Variants in SLC19A1 observed in about 807,000 individuals in gnomAD.
The protein encoded by SLC19A1 is solute carrier family 19 member 1, also known as reduced folate transporter.
SLC19A1 carries 37 observed loss-of-function variants against 35.3 expected under a neutral mutation model. That is an observed-to-expected ratio of 1.05 (90% CI 0.81 to 1.38). SLC19A1 has a LOEUF of 1.38. Ranked by LOEUF, SLC19A1 falls within the 40% of genes most tolerant of loss-of-function variation. SLC19A1 has a pLI of 0.00. For synonymous variants in SLC19A1, 460 were observed against 398.5 expected, an observed-to-expected ratio of 1.15 and a Z score of -1.84; for missense variants, 831 against 826.9, an observed-to-expected ratio of 1.00 and a Z score of -0.06.
chr21:45,555,236 CA>C (rs1423075675), intron 1 of SLC19A1, among the ~76,000 whole-genome samples: 42 of 6,360 alleles, frequency 6.6e-3, no homozygotes, highest in South Asian at 0.029. Flanking sequence ...GGGGGCGGCG[CA>C]GGGGGCGGCG....
intron 1 of SLC19A1, among the ~76,000 whole-genome samples, chr21:45,558,354 C>T (rs922499835): frequency 6.6e-6 from 1 of 152,232 alleles, no homozygotes; most frequent in Non-Finnish European, 1.5e-5. Flanking sequence ...GCAGCTCTGG[C>T]TGCTGAGAAA....
chr21:45,508,938 G>C (rs2037410723), downstream of SLC19A1, among the ~76,000 whole-genome samples: 1 of 152,160 alleles, frequency 6.6e-6, no homozygotes, highest in South Asian at 2.1e-4. Flanking sequence ...CCGGACTGGG[G>C]TGCAGGCCTG....
intron 4 of SLC19A1, among the ~76,000 whole-genome samples, chr21:45,529,607 G>A (rs1325259136): frequency 4.1e-5 from 1 of 24,236 alleles, no homozygotes; most frequent in Non-Finnish European, 7.3e-5. Flanking sequence ...GTGAGCGTGT[G>A]TCCATGTGTG....
chr21:45,515,651 C>T lies in SLC19A1; in HGVS notation c.*7G>A. 1 of 1,613,176 alleles carries T rather than the reference C, an allele frequency of 6.2e-7. No homozygotes were observed. The highest frequency in any genetic ancestry group is 8.5e-7 in the Non-Finnish European group (1 of 1,179,982). On this transcript the variant is annotated 3_prime_UTR_variant, in exon 6 of 6. Coordinates refer to ENST00000311124, the MANE Select transcript of SLC19A1 (RefSeq NM_194255.4). ...GCCTGCAAAGTTACCACAGGGGCGCCCGAGAGTCACTGGTTCACATTCTGA... is the reference window on the plus strand; with the variant it reads ...GCCTGCAAAGTTACCACAGGGGCGCTCGAGAGTCACTGGTTCACATTCTGA...
Position 45,534,812 on chromosome 21 carries a change from A to C in SLC19A1, c.190-2664T>G. ...GGCTGCTGGGGGAGGGGCCCTCACA[A>C]CGGTCCCAGCAGGGAGGTGGCATCT... On this transcript the variant is annotated intron_variant, in intron 2 of 5. Coordinates refer to ENST00000311124, the MANE Select transcript of SLC19A1 (RefSeq NM_194255.4). This position sits in a 1 kb window ranked among gnomAD's most constrained non-coding sequence, Gnocchi z 4.2. 33 of 555,036 alleles carry C rather than the reference A, an allele frequency of 5.9e-5. No individual in the cohort carries two copies. Among genetic ancestry groups the C allele is most frequent in the East Asian group, 1.6e-4 (5 of 31,954 alleles). The allele number at this position is 555,036 out of a possible 1,614,324, so 34.4% of individuals were successfully genotyped here.
At chr21:45,562,521 C>T (rs774190108) in intron 1 of SLC19A1, among the ~76,000 whole-genome samples, 1 of 152,188 alleles carries the variant, frequency 6.6e-6, no homozygotes, top group Non-Finnish European at 1.5e-5. Context: ...TCTCCGGCAG[C>T]GTGGTGCAGT....
At chr21:45,504,528 C>G in intron 3 of SLC19A1, 1 of 818,490 alleles carries the variant, frequency 1.2e-6, no homozygotes, top group African/African-American at 2.2e-5. Context: ...CCAGGCCCCC[C>G]AGGCCCACGT....
rs975257559 is a variant in SLC19A1 at position 45,515,120 on chromosome 21, C to G, written c.*538G>C. The G allele has an allele frequency of 8.1e-5, 124 of 1,540,368 alleles. No individual in the cohort carries two copies. Among genetic ancestry groups the G allele is most frequent in the Non-Finnish European group, 1.1e-4 (123 of 1,144,112 alleles). Reference sequence around the variant, plus strand: ...CCGCCAACCTGAGATGGCTTTTCCACAGAGACAGAGAAGCCACATGCAGTT... The same window carrying G: ...CCGCCAACCTGAGATGGCTTTTCCAGAGAGACAGAGAAGCCACATGCAGTT... On this transcript the variant is annotated 3_prime_UTR_variant, in exon 6 of 6. Transcript: ENST00000311124.
chr21:45,515,451 AGGGACAGCAT>A lies in SLC19A1; in HGVS notation c.*197_*206del. 2 of 1,475,944 alleles carry A rather than the reference AGGGACAGCAT, an allele frequency of 1.4e-6. No individual in the cohort carries two copies. Among genetic ancestry groups the A allele is most frequent in the Non-Finnish European group, 8.9e-7 (1 of 1,125,036 alleles). 91.4% of individuals were successfully genotyped at this position (1,475,944 alleles called of 1,614,324 possible). ...CAACAAAGCCCGCGGGGCACAGTGC[AGGGACAGCAT>A]GGCCAGGCAGCTGCCCTGAGTGTCG... is the stretch of plus-strand genomic sequence containing the variant. On this transcript the variant is annotated 3_prime_UTR_variant, in exon 6 of 6. Coordinates refer to ENST00000311124, the MANE Select transcript of SLC19A1 (RefSeq NM_194255.4).
chr21:45,529,095 G>A (rs749668553), intron 4 of SLC19A1, among the ~76,000 whole-genome samples: 5 of 152,260 alleles, frequency 3.3e-5, no homozygotes, highest in Non-Finnish European at 7.3e-5. Flanking sequence ...ACGAGCCAGG[G>A]ACGGCAAGAG....
intron 5 of SLC19A1, among the ~76,000 whole-genome samples, chr21:45,519,570 CAAA>C (rs57639933): frequency 8.7e-5 from 5 of 57,230 alleles, no homozygotes; most frequent in Non-Finnish European, 1.6e-4. Flanking sequence ...AACTTCTGAG[CAAA>C]AAAAAAAAAA....
At chr21:45,547,195 C>T (rs1201037194), upstream of SLC19A1, among the ~76,000 whole-genome samples, 3 of 152,048 alleles carry the variant, frequency 2.0e-5, no homozygotes, top group Non-Finnish European at 2.9e-5. Flanking sequence ...TTCTCTATAC[C>T]GAAAGCTGCA....
chr21:45,508,440 T>C (rs1381421626), downstream of SLC19A1, among the ~76,000 whole-genome samples: 10 of 113,338 alleles, frequency 8.8e-5, no homozygotes, highest in African/African-American at 4.0e-4. Flanking sequence ...GGATGGTGGG[T>C]AAGTGGGTGA....
At position 45,513,320 on chromosome 21, in the gene SLC19A1, G is replaced by A. The variant is rs1854168854; in HGVS notation, c.*2338C>T. On this transcript the variant is annotated 3_prime_UTR_variant, in exon 6 of 6. Coordinates refer to ENST00000311124, the MANE Select transcript of SLC19A1 (RefSeq NM_194255.4). ...GGACATGCGGTAGCCAGCACACAGG[G>A]CAGTGAGGGAGGGCTGTCATCTGTG... 1 of 152,352 alleles carries A rather than the reference G, an allele frequency of 6.6e-6. No individual in the cohort carries two copies. Among genetic ancestry groups the A allele is most frequent in the Non-Finnish European group, 1.5e-5 (1 of 68,128 alleles). The allele number at this position is 152,352 out of a possible 1,614,324, so 9.4% of individuals were successfully genotyped here. A position where few individuals can be genotyped will look rare whatever the true frequency, so the allele number is the denominator to read the frequency against.
At position 45,521,229 on chromosome 21, in the gene SLC19A1, A is replaced by G. The variant is rs544702942; in HGVS notation, c.1293+4588T>C. On this transcript the variant is annotated intron_variant, in intron 5 of 5. Coordinates refer to ENST00000311124, the MANE Select transcript of SLC19A1 (RefSeq NM_194255.4). ...TCTGTTGTTTGTCACCCAGTTTGTG[A>G]TATTTTGCTATGGCAGCCCAAACAG... Among the ~76,000 whole-genome samples, 6 of 152,346 alleles carry G rather than the reference A, an allele frequency of 3.9e-5. No homozygotes were observed. In the East Asian group the frequency reaches 1.2e-3, roughly 29 times the overall value.
intron 1 of SLC19A1, among the ~76,000 whole-genome samples, chr21:45,542,001 C>A (rs1046750828): frequency 4.6e-5 from 7 of 152,072 alleles, no homozygotes; most frequent in Admixed American, 1.3e-4. Flanking sequence ...GCCACCGCGA[C>A]CCCCGCGGAG....
At chr21:45,548,724 A>G (rs573948288), upstream of SLC19A1, among the ~76,000 whole-genome samples, 65 of 152,264 alleles carry the variant, frequency 4.3e-4, no homozygotes, top group African/African-American at 1.6e-3. Context: ...AGCCTGGGCG[A>G]CAGAGTAAGA....
chr21:45,517,152 TTTC>T lies in SLC19A1; in HGVS notation c.1294-1015_1294-1013del, dbSNP rs1377221733. The stretch of plus-strand genomic sequence containing the variant: ...TGCCACGCAGAGCTCCCTGGGGGCT[TTTC>T]TTTTCACCTCAGATATTTTGAAACT... On this transcript the variant is annotated intron_variant, in intron 5 of 5. Transcript: ENST00000311124. The surrounding 1 kb of genome is among the most constrained non-coding windows in gnomAD (Gnocchi z 4.4). 6.6e-6 allele frequency among the ~76,000 whole-genome samples: 1 copy of T among 152,122 alleles called. No individual in the cohort carries two copies. The highest frequency in any genetic ancestry group is 1.5e-5 in the Non-Finnish European group (1 of 68,006).
Position 45,540,149 on chromosome 21 carries a change from G to A in SLC19A1, c.-49-2141C>T, listed in dbSNP as rs930386792. 6.6e-6 allele frequency among the ~76,000 whole-genome samples: 1 copy of A among 152,112 alleles called. No homozygotes were observed. Among genetic ancestry groups the A allele is most frequent in the South Asian group, 2.1e-4 (1 of 4,828 alleles). On this transcript the variant is annotated intron_variant, in intron 1 of 5. Coordinates refer to ENST00000311124, the MANE Select transcript of SLC19A1 (RefSeq NM_194255.4). This position sits in a 1 kb window ranked among gnomAD's most constrained non-coding sequence, Gnocchi z 5.5. ...ACCAGGGACCCTGATGCCCAGAGAG[G>A]CCACGGGTAGAGCTGGACATACCTC...
Sources: gnomAD v4.1 joint callset for allele counts (sites outside exome capture counted in the v4.1 genomes callset) on GRCh38, gnomAD v4.1.1 for gene constraint, Gnocchi (gnomAD v3.1) non-coding constraint, MANE v1.5 for transcripts, NCBI Gene and HGNC (gene_info 2026-07-23, HGNC 2026-07-21) for gene names.